Variants in RSPRY1 observed in about 807,000 individuals in gnomAD.
RSPRY1 encodes the protein ring finger and SPRY domain containing 1, also known as RING finger and SPRY domain-containing protein 1.
RSPRY1 carries 23 observed loss-of-function variants against 73.1 expected under a neutral mutation model. That is an observed-to-expected ratio of 0.31 (90% CI 0.23 to 0.45). The LOEUF is 0.45. RSPRY1 is among the 20% of genes least tolerant of loss of function. RSPRY1 has a pLI of 1.00. For synonymous variants in RSPRY1, 226 were observed against 251.4 expected, an observed-to-expected ratio of 0.90 and a Z score of 0.95; for missense variants, 448 against 698.7, an observed-to-expected ratio of 0.64 and a Z score of 4.05.
intron 6 of RSPRY1, among the ~76,000 whole-genome samples, chr16:57,214,779 G>A (rs1016828939): frequency 3.3e-5 from 5 of 152,168 alleles, no homozygotes; most frequent in African/African-American, 4.8e-5. Context: ...CTATAAGCCC[G>A]GCATTTTGGG....
chr16:57,212,631 C>A (rs1174431646), intron 4 of RSPRY1, among the ~76,000 whole-genome samples: 2 of 151,994 alleles, frequency 1.3e-5, no homozygotes, highest in Non-Finnish European at 2.9e-5. Context: ...CCCCACCCCC[C>A]TGAGACGGAG....
At chr16:57,194,745 A>G (rs1489710857) in intron 1 of RSPRY1, among the ~76,000 whole-genome samples, 3 of 152,236 alleles carry the variant, frequency 2.0e-5, no homozygotes, top group Admixed American at 1.3e-4. Context: ...CAAAGAAAAG[A>G]AAGTGTTCTT....
chr16:57,216,814 G>A, intron 7 of RSPRY1, 90 bp from the exon 8 acceptor site: 3 of 1,219,796 alleles, frequency 2.5e-6, no homozygotes, highest in South Asian at 2.6e-5. Flanking sequence ...TTCTTTAATT[G>A]CCTCTTCCCC....
At chr16:57,208,376 TTA>T (rs200643065) in intron 3 of RSPRY1, among the ~76,000 whole-genome samples, 2,566 of 94,230 alleles carry the variant, frequency 0.027, 76 homozygotes, top group Non-Finnish European at 0.034. Context: ...AGGAGATTAT[TTA>T]TATATATATA....
intron 1 of RSPRY1, among the ~76,000 whole-genome samples, chr16:57,189,221 C>T (rs2074307688): frequency 6.6e-6 from 1 of 151,982 alleles, no homozygotes; most frequent in South Asian, 2.1e-4. Context: ...TCTTGAACTC[C>T]TGAGCTCAAA....
intron 3 of RSPRY1, among the ~76,000 whole-genome samples, chr16:57,208,770 A>G (rs1753657779): frequency 6.6e-6 from 1 of 152,100 alleles, no homozygotes; most frequent in Non-Finnish European, 1.5e-5. Context: ...AGTATACTTC[A>G]TTTTCTCAGT....
At chr16:57,212,893 T>A (rs940303763) in intron 4 of RSPRY1, 79 bp from the exon 5 acceptor site, 1 of 1,496,506 alleles carries the variant, frequency 6.7e-7, no homozygotes, top group East Asian at 2.3e-5. Flanking sequence ...TTATAGCTTT[T>A]GTCTCAAAAA....
chr16:57,226,912 G>A (rs1212223686), intron 10 of RSPRY1, among the ~76,000 whole-genome samples: 2 of 152,156 alleles, frequency 1.3e-5, no homozygotes, highest in African/African-American at 2.4e-5. Context: ...ATCTTGTGCT[G>A]ATATACAAGT....
At chr16:57,194,278 G>A (rs1488901775) in intron 1 of RSPRY1, among the ~76,000 whole-genome samples, 2 of 152,130 alleles carry the variant, frequency 1.3e-5, no homozygotes, top group Non-Finnish European at 1.5e-5. Flanking sequence ...TAAAATGTTA[G>A]TAGTAGAGTC....
chr16:57,218,902 A>AT (rs1469015003), intron 8 of RSPRY1, among the ~76,000 whole-genome samples: 3 of 138,668 alleles, frequency 2.2e-5, no homozygotes, highest in Non-Finnish European at 4.6e-5. Context: ...CGCCCGGCTA[A>AT]TTTTTTTGTA....
chr16:57,237,798 G>A (rs995370153), intron 14 of RSPRY1, among the ~76,000 whole-genome samples: 3 of 151,760 alleles, frequency 2.0e-5, no homozygotes, highest in African/African-American at 4.8e-5. Flanking sequence ...TGCAACCTCC[G>A]CCTCCCGAGC....
At chr16:57,217,578 C>T (rs2074961960) in intron 8 of RSPRY1, among the ~76,000 whole-genome samples, 1 of 152,168 alleles carries the variant, frequency 6.6e-6, no homozygotes, top group African/African-American at 2.4e-5. Context: ...ATGCTTGGGA[C>T]TGAAAGTATT....
intron 5 of RSPRY1, 43 bp downstream of exon 5, chr16:57,213,141 G>T: frequency 1.3e-6 from 2 of 1,565,706 alleles, no homozygotes; most frequent in South Asian, 2.4e-5. Context: ...TAAGTTGTTT[G>T]ACATTAAAGG....
Position 57,192,708 on chromosome 16 carries a change from C to CTTT in RSPRY1, c.-156+6275_-156+6277dup, listed in dbSNP as rs373914013. ...TTAGAGGAAGGTTTTTCCAGAGACT[C>CTTT]TTTTTTTTTTTTTTTTTTTTAAGGT... On this transcript the variant is annotated intron_variant, in intron 1 of 14. Coordinates refer to ENST00000394420, the MANE Select transcript of RSPRY1 (RefSeq NM_133368.3). Among the ~76,000 whole-genome samples, 324 of 123,566 alleles carry CTTT rather than the reference C, an allele frequency of 2.6e-3. 3 individuals carry two copies. The highest frequency in any genetic ancestry group is 6.0e-3 in the South Asian group (22 of 3,696). 81.1% of individuals were successfully genotyped at this position (123,566 alleles called of 152,430 possible). A position where few individuals can be genotyped will look rare whatever the true frequency, so the allele number is the denominator to read the frequency against.
At chr16:57,227,615 G>A (rs1017170909) in intron 11 of RSPRY1, among the ~76,000 whole-genome samples, 162 bp downstream of exon 11, 3 of 152,176 alleles carry the variant, frequency 2.0e-5, no homozygotes, top group Admixed American at 2.0e-4. Context: ...GTATTCCTCT[G>A]ATAAATTTAC....
At chr16:57,194,440 G>A (rs1233722918) in intron 1 of RSPRY1, among the ~76,000 whole-genome samples, 2 of 152,158 alleles carry the variant, frequency 1.3e-5, no homozygotes, top group Admixed American at 1.3e-4. Flanking sequence ...GAGTAAATGT[G>A]ATGATAGAAG....
chr16:57,194,770 A>T (rs1406009802), intron 1 of RSPRY1, among the ~76,000 whole-genome samples: 5 of 152,232 alleles, frequency 3.3e-5, no homozygotes, highest in African/African-American at 1.2e-4. Context: ...ACTGATCTGT[A>T]CTATGGCTGA....
At chr16:57,196,052 TAG>T (rs2146184582) in intron 1 of RSPRY1, among the ~76,000 whole-genome samples, 1 of 148,516 alleles carries the variant, frequency 6.7e-6, no homozygotes, top group African/African-American at 2.5e-5. Context: ...TATATATATA[TAG>T]GTATTACAGA....
At chr16:57,193,044 C>T (rs6499871) in intron 1 of RSPRY1, among the ~76,000 whole-genome samples, 144,820 of 152,258 alleles carry the variant, frequency 0.95, 68,890 homozygotes, top group East Asian at 0.98. Flanking sequence ...GAAAAAAATA[C>T]CTACTTTCAA....
Sources: gnomAD v4.1 joint callset for allele counts (sites outside exome capture counted in the v4.1 genomes callset) on GRCh38, gnomAD v4.1.1 for gene constraint, MANE v1.5 for transcripts, NCBI Gene and HGNC (gene_info 2026-07-23, HGNC 2026-07-21) for gene names.